ROBO2: variants seen among roughly 807,000 people sequenced by gnomAD.
The protein encoded by ROBO2 is roundabout guidance receptor 2.
ROBO2 carries 53 observed loss-of-function variants against 160.8 expected under a neutral mutation model. That is an observed-to-expected ratio of 0.33 (90% CI 0.26 to 0.41). The LOEUF is 0.41. Ranked by LOEUF, ROBO2 falls within the 10% of genes least tolerant of loss-of-function variation. The pLI is 1.00. For missense variants in ROBO2, 1,577 were observed against 1,722.4 expected (o/e 0.92, Z 1.49); for synonymous variants, 664 against 611.7 (o/e 1.09, Z -1.26).
chr3:77,299,970 G>A (rs996621605), intron 2 of ROBO2, among the ~76,000 whole-genome samples: 8 of 151,804 alleles, frequency 5.3e-5, no homozygotes, highest in African/African-American at 1.7e-4. Context: ...AAATGTTTCC[G>A]TGTCACTCAT....
At chr3:77,431,280 G>T (rs2078745338) in intron 2 of ROBO2, among the ~76,000 whole-genome samples, 1 of 152,100 alleles carries the variant, frequency 6.6e-6, no homozygotes, top group Non-Finnish European at 1.5e-5. Context: ...GTATGGTGAA[G>T]ACAAAGAAGA....
intron 2 of ROBO2, among the ~76,000 whole-genome samples, chr3:77,166,869 T>G (rs913728388): frequency 6.6e-6 from 1 of 151,674 alleles, no homozygotes; most frequent in South Asian, 2.1e-4. Context: ...GACACAGAGG[T>G]TTTTAAGCAG....
At chr3:75,949,551 AT>A (rs985784008) in intron 2 of ROBO2, among the ~76,000 whole-genome samples, 2 of 151,546 alleles carry the variant, frequency 1.3e-5, no homozygotes, top group South Asian at 2.1e-4. Context: ...GACTGGTAGG[AT>A]TTTTTTTTCC....
intron 2 of ROBO2, among the ~76,000 whole-genome samples, chr3:77,185,656 C>T (rs1482739232): frequency 6.6e-6 from 1 of 151,918 alleles, no homozygotes; most frequent in Non-Finnish European, 1.5e-5. Flanking sequence ...GATCTCACTA[C>T]TGGGTGTCTA....
intron 1 of ROBO2, among the ~76,000 whole-genome samples, chr3:77,046,086 G>A (rs2064636900): frequency 6.6e-6 from 1 of 152,104 alleles, no homozygotes; most frequent in Admixed American, 6.5e-5. Flanking sequence ...TAACTTTTGT[G>A]TGAACATATG....
At chr3:76,790,473 C>A (rs1417604884) in intron 2 of ROBO2, among the ~76,000 whole-genome samples, 1 of 151,640 alleles carries the variant, frequency 6.6e-6, no homozygotes, top group Non-Finnish European at 1.5e-5. Flanking sequence ...AATGGATTTA[C>A]TATCTGACAA....
rs73840990 is a variant in ROBO2, at chr3:76,434,401, C to T, written c.109+496799C>T. On this transcript the variant is annotated intron_variant, in intron 2 of 26. Transcript: ENST00000487694. ...TGTTTAATCACCTGTCAGCTGTCAA[C>T]GAAAGTATCCAGGCCCTGGGCTGGG... The T allele has an allele frequency of 7.9e-4, 1,228 of 1,562,224 alleles. 7 individuals carry two copies. The African/African-American group carries it at 0.013, about 17-fold the overall frequency.
intron 2 of ROBO2, among the ~76,000 whole-genome samples, chr3:76,925,312 G>T (rs1256366009): frequency 4.6e-5 from 7 of 151,828 alleles, no homozygotes; most frequent in Admixed American, 4.6e-4. Context: ...ATGAAGACTT[G>T]CAGGTTCTGA....
intron 7 of ROBO2, among the ~76,000 whole-genome samples, chr3:77,549,441 T>G (rs975174413): frequency 1.3e-5 from 2 of 152,010 alleles, no homozygotes; most frequent in African/African-American, 4.8e-5. Context: ...TCAAATTGTG[T>G]TTCTATGCAT....
intron 2 of ROBO2, among the ~76,000 whole-genome samples, chr3:77,215,368 G>A (rs538142339): frequency 7.2e-5 from 11 of 152,110 alleles, no homozygotes; most frequent in East Asian, 5.8e-4. Context: ...CCAGTTGATC[G>A]CATTGGCTAC....
At chr3:76,702,612 C>T (rs113864717) in intron 2 of ROBO2, among the ~76,000 whole-genome samples, 3 of 151,884 alleles carry the variant, frequency 2.0e-5, no homozygotes, top group Admixed American at 6.6e-5. Context: ...CTGAATCCAG[C>T]GTATGGTGTG....
At chr3:76,911,812 C>G (rs965404963) in intron 2 of ROBO2, among the ~76,000 whole-genome samples, 1 of 151,962 alleles carries the variant, frequency 6.6e-6, no homozygotes, top group African/African-American at 2.4e-5. Context: ...CAGTAAAACA[C>G]AACATTCTGC....
intron 2 of ROBO2, among the ~76,000 whole-genome samples, chr3:77,299,033 T>G (rs968095932): frequency 6.6e-6 from 1 of 152,102 alleles, no homozygotes; most frequent in African/African-American, 2.4e-5. Flanking sequence ...AGGTAGAATT[T>G]AAATTAGACA....
At chr3:76,520,399 C>T (rs914976694) in intron 2 of ROBO2, among the ~76,000 whole-genome samples, 2 of 151,976 alleles carry the variant, frequency 1.3e-5, no homozygotes, top group African/African-American at 2.4e-5. Flanking sequence ...TGCAGTGAGC[C>T]GAGATTGTGC....
intron 1 of ROBO2, among the ~76,000 whole-genome samples, chr3:77,072,112 A>G (rs557518173): frequency 6.6e-6 from 1 of 152,152 alleles, no homozygotes; most frequent in African/African-American, 2.4e-5. Flanking sequence ...AGATTCTCAA[A>G]GGAGCGAGAA....
intron 2 of ROBO2, among the ~76,000 whole-genome samples, chr3:77,156,142 C>A (rs1008377561): frequency 2.0e-5 from 3 of 151,892 alleles, no homozygotes; most frequent in Non-Finnish European, 4.4e-5. Flanking sequence ...CCAAACCGAA[C>A]TTATAACTTT....
At position 76,261,161 on chromosome 3, in the gene ROBO2, C is replaced by T. The variant is rs1446182785; in HGVS notation, c.109+323559C>T. On this transcript the variant is annotated intron_variant, in intron 2 of 26. Transcript: ENST00000487694. ...GTTGTGCTCAAATTTTTCTTTTAAA[C>T]TAAATTATGTGTGTGTGTGTGTGTG... is the stretch of plus-strand genomic sequence containing the variant. 9.5e-5 allele frequency among the ~76,000 whole-genome samples: 13 copies of T among 136,396 alleles called. No individual in the cohort carries two copies. The Admixed American group carries it at 9.9e-4, about 10-fold the overall frequency. The allele number at this position is 136,396 out of a possible 152,430, so 89.5% of individuals were successfully genotyped here. A position where few individuals can be genotyped will look rare whatever the true frequency, so the allele number is the denominator to read the frequency against.
At chr3:76,524,826 T>TAAAAAAAAAAAAAAAAAAAA (rs58091252) in intron 2 of ROBO2, among the ~76,000 whole-genome samples, 9 of 21,740 alleles carry the variant, frequency 4.1e-4, no homozygotes, top group East Asian at 2.6e-3. Context: ...CTCTTATTCC[T>TAAAAAAAAAAAAAAAAAAAA]AAAAAAAAAA....
At chr3:76,789,956 G>T (rs570534889) in intron 2 of ROBO2, among the ~76,000 whole-genome samples, 1 of 151,544 alleles carries the variant, frequency 6.6e-6, no homozygotes, top group African/African-American at 2.4e-5. Context: ...TGTTAATTTG[G>T]CCACATATAA....
Sources: gnomAD v4.1 joint callset for allele counts (sites outside exome capture counted in the v4.1 genomes callset) on GRCh38, gnomAD v4.1.1 for gene constraint, MANE v1.5 for transcripts, NCBI Gene and HGNC (gene_info 2026-07-23, HGNC 2026-07-21) for gene names.